The following TSC22D3 variants were observed in gnomAD, a reference collection of about 807,000 sequenced individuals.
The protein encoded by TSC22D3 is TSC22 domain family member 3.
Under a neutral mutation model 11.1 loss-of-function variants are expected in TSC22D3, and 4 were observed. The observed-to-expected ratio is 0.36, with a 90% CI of 0.18 to 0.83. TSC22D3 has a LOEUF of 0.83. Among genes scored for constraint, TSC22D3 ranks in the 40% least tolerant of loss-of-function variants. The pLI is 0.48. For missense variants in TSC22D3, 118 were observed against 159.4 expected (o/e 0.74, Z 1.40); for synonymous variants, 77 against 70.3 (o/e 1.10, Z -0.48).
At chrX:107,728,784 A>G (rs1414252883) in intron 1 of TSC22D3, among the ~76,000 whole-genome samples, 1 of 112,381 alleles carries the variant, frequency 8.9e-6, no homozygotes, top group African/African-American at 3.2e-5. Flanking sequence ...CTTTCTCAGA[A>G]GGGGAATTGT....
At chrX:107,725,306 C>T (rs1927566213) in intron 1 of TSC22D3, among the ~76,000 whole-genome samples, 1 of 112,394 alleles carries the variant, frequency 8.9e-6, no homozygotes, top group South Asian at 3.6e-4. Flanking sequence ...AGCAGGTAAA[C>T]CTTGATGGTG....
intron 1 of TSC22D3, 140 bp downstream of exon 1, chrX:107,774,960 G>A: frequency 1.4e-6 from 1 of 692,762 alleles, no homozygotes; most frequent in Non-Finnish European, 2.1e-6. Flanking sequence ...GCAACCTCAA[G>A]GTCCAGTCAC....
chrX:107,763,918 G>T (rs1157603116), intron 1 of TSC22D3, among the ~76,000 whole-genome samples: 1 of 112,142 alleles, frequency 8.9e-6, no homozygotes, highest in African/African-American at 3.2e-5. Flanking sequence ...TTTGGGACCT[G>T]CTGGCTACTC....
intron 1 of TSC22D3, among the ~76,000 whole-genome samples, chrX:107,744,091 C>T (rs985939426): frequency 4.5e-5 from 5 of 111,942 alleles, no homozygotes; most frequent in Non-Finnish European, 9.4e-5. Flanking sequence ...ACTAAGCTGA[C>T]CCAGGTATGC....
intron 1 of TSC22D3, among the ~76,000 whole-genome samples, chrX:107,719,768 C>A (rs1341401819): frequency 2.7e-5 from 3 of 111,247 alleles, no homozygotes; most frequent in Non-Finnish European, 5.7e-5. Context: ...AAGCAGCAGC[C>A]CTACTATTAG....
chrX:107,722,222 G>A lies in TSC22D3; in HGVS notation c.321-6272C>T, dbSNP rs140561514. 8.8e-3 allele frequency: 1,675 copies of A among 190,786 alleles called. 23 individuals are homozygous for A. Among genetic ancestry groups the A allele is most frequent in the African/African-American group, 0.045 (1,535 of 34,137 alleles). The allele number at this position is 190,786 out of a possible 1,213,427, so 15.7% of individuals were successfully genotyped here. A position where few individuals can be genotyped will look rare whatever the true frequency, so the allele number is the denominator to read the frequency against. ...TGATGAGTGGGAGGGAGCCCAAGGA[G>A]AATCTTGGTGGAGAGATGGACACTG... On this transcript the variant is annotated intron_variant, in intron 1 of 2. Coordinates refer to ENST00000372383, the MANE Select transcript of TSC22D3 (RefSeq NM_198057.3).
chrX:107,734,088 A>G (rs888839569), intron 1 of TSC22D3, among the ~76,000 whole-genome samples: 1 of 112,101 alleles, frequency 8.9e-6, no homozygotes, highest in African/African-American at 3.2e-5. Context: ...GCTAAGGAGC[A>G]GTCTGGGGCA....
intron 1 of TSC22D3, among the ~76,000 whole-genome samples, chrX:107,742,795 T>C (rs1300065941): frequency 9.0e-6 from 1 of 111,423 alleles, no homozygotes; most frequent in African/African-American, 3.3e-5. Flanking sequence ...CCCACGCACG[T>C]CCTCCCTGCG....
intron 1 of TSC22D3, among the ~76,000 whole-genome samples, chrX:107,751,648 G>A (rs1928939270): frequency 8.9e-6 from 1 of 112,279 alleles, no homozygotes; most frequent in African/African-American, 3.2e-5. Flanking sequence ...CTGCCTGGCT[G>A]GTCAGGGGAG....
chrX:107,743,175 A>G (rs1928502295), intron 1 of TSC22D3, among the ~76,000 whole-genome samples: 1 of 112,844 alleles, frequency 8.9e-6, no homozygotes, highest in African/African-American at 3.2e-5. Context: ...GTTCCGAAGA[A>G]GAAAAGGCGG....
chrX:107,746,619 A>G (rs1353958072), intron 1 of TSC22D3, among the ~76,000 whole-genome samples: 1 of 112,010 alleles, frequency 8.9e-6, no homozygotes, highest in African/African-American at 3.2e-5. Context: ...GTAGGCCCCC[A>G]TAAGTATATT....
chrX:107,725,773 G>T (rs762297338), intron 1 of TSC22D3, among the ~76,000 whole-genome samples: 2 of 111,869 alleles, frequency 1.8e-5, no homozygotes. Flanking sequence ...AGCGGTCAGT[G>T]GAAACTCTCA....
intron 1 of TSC22D3, chrX:107,716,846 G>C (rs748303421): frequency 1.7e-6 from 2 of 1,203,322 alleles, no homozygotes; most frequent in Non-Finnish European, 2.2e-6. Flanking sequence ...GCCGGGTTTC[G>C]TGCGGGGCTG....
intron 1 of TSC22D3, among the ~76,000 whole-genome samples, chrX:107,756,561 C>T (rs1409055559): frequency 3.6e-5 from 4 of 112,268 alleles, no homozygotes; most frequent in South Asian, 3.7e-4. Flanking sequence ...CAATGTAAAG[C>T]GGGCTGGGCT....
chrX:107,727,968 G>T (rs948342539), intron 1 of TSC22D3, among the ~76,000 whole-genome samples: 1 of 111,809 alleles, frequency 8.9e-6, no homozygotes, highest in South Asian at 3.7e-4. Context: ...TTTCTAGCAC[G>T]ACTGAAGGCA....
At chrX:107,756,284 A>G (rs758755997) in intron 1 of TSC22D3, among the ~76,000 whole-genome samples, 1 of 112,692 alleles carries the variant, frequency 8.9e-6, no homozygotes, top group South Asian at 3.6e-4. Flanking sequence ...ATTAACTTTA[A>G]GCAGATTCCC....
intron 1 of TSC22D3, among the ~76,000 whole-genome samples, chrX:107,744,253 C>T (rs1928554354): frequency 8.9e-6 from 1 of 111,750 alleles, no homozygotes; most frequent in Non-Finnish European, 1.9e-5. Flanking sequence ...TTCACTATAG[C>T]CAGTGTGGAA....
At chrX:107,731,802 G>C (rs987292520) in intron 1 of TSC22D3, among the ~76,000 whole-genome samples, 3 of 101,439 alleles carry the variant, frequency 3.0e-5, no homozygotes, top group African/African-American at 1.1e-4. Flanking sequence ...GGGATAAGCA[G>C]ATCTGAGACA....
At chrX:107,724,878 C>T (rs757659723) in intron 1 of TSC22D3, among the ~76,000 whole-genome samples, 1 of 112,471 alleles carries the variant, frequency 8.9e-6, no homozygotes, top group Admixed American at 9.3e-5. Context: ...AAACAAGTAC[C>T]ATTTGTGCAC....
Sources: gnomAD v4.1 joint callset for allele counts (sites outside exome capture counted in the v4.1 genomes callset) on GRCh38, gnomAD v4.1.1 for gene constraint, MANE v1.5 for transcripts, NCBI Gene and HGNC (gene_info 2026-07-23, HGNC 2026-07-21) for gene names.